The following GFOD1 variants were observed in gnomAD, a reference collection of about 807,000 sequenced individuals.
The protein encoded by GFOD1 is Gfo/Idh/MocA-like oxidoreductase domain containing 1, also known as glucose-fructose oxidoreductase domain-containing protein 1.
In GFOD1, 9 loss-of-function variants were observed where a neutral mutation model predicts 25.4. That is an observed-to-expected ratio of 0.35 (90% CI 0.21 to 0.62). GFOD1 has a LOEUF of 0.62. GFOD1 is among the 20% of genes least tolerant of loss of function. GFOD1 has a pLI of 0.72. For missense variants in GFOD1, 403 were observed against 556.9 expected, an observed-to-expected ratio of 0.72 and a Z score of 2.78; for synonymous variants, 253 against 245.6, an observed-to-expected ratio of 1.03 and a Z score of -0.28.
At chr6:13,401,625 C>T (rs1785846164) in intron 1 of GFOD1, among the ~76,000 whole-genome samples, 1 of 151,870 alleles carries the variant, frequency 6.6e-6, no homozygotes, top group Non-Finnish European at 1.5e-5. Flanking sequence ...TTAAGAAGTA[C>T]AAAATATGTA....
At chr6:13,421,500 A>G (rs1786256160) in intron 1 of GFOD1, among the ~76,000 whole-genome samples, 1 of 152,168 alleles carries the variant, frequency 6.6e-6, no homozygotes, top group African/African-American at 2.4e-5. Flanking sequence ...TCTCAAAAAA[A>G]AAGTAAGAAA....
intron 1 of GFOD1, among the ~76,000 whole-genome samples, chr6:13,471,261 C>T (rs1290197620): frequency 6.6e-6 from 1 of 152,200 alleles, no homozygotes; most frequent in Non-Finnish European, 1.5e-5. Flanking sequence ...TCCTTCCCCT[C>T]ACCACCTTCC....
chr6:13,384,517 G>A (rs1025155031), intron 1 of GFOD1, among the ~76,000 whole-genome samples: 2 of 152,136 alleles, frequency 1.3e-5, no homozygotes, highest in Non-Finnish European at 2.9e-5. Context: ...TGAAACGTAG[G>A]AGCCTTCTCA....
chr6:13,470,567 C>T (rs1038708846), intron 1 of GFOD1: 95 of 1,520,806 alleles, frequency 6.2e-5, no homozygotes, highest in Non-Finnish European at 7.7e-5. Flanking sequence ...AACAGAACCA[C>T]GTGGCATTTT....
chr6:13,413,220 C>T (rs1394037560), intron 1 of GFOD1, among the ~76,000 whole-genome samples: 2 of 152,212 alleles, frequency 1.3e-5, no homozygotes, highest in African/African-American at 4.8e-5. Context: ...CCCTTCCACA[C>T]TCTCCTGGGA....
In GFOD1 at chr6:13,485,616, C is replaced by T. The variant is rs896207696; in HGVS notation, c.253+1022G>A. ...GATGATGAACAAAACATGCCCTTCT[C>T]TTTCCCCTGAGCATAGGCTGAGAGG... On this transcript the variant is annotated intron_variant, in intron 1 of 1. Transcript: ENST00000379287. 3.3e-5 allele frequency among the ~76,000 whole-genome samples: 5 copies of T among 152,212 alleles called. No individual in the cohort carries two copies. The East Asian group carries it at 9.6e-4, about 29-fold the overall frequency.
At chr6:13,485,209 A>G (rs921503809) in intron 1 of GFOD1, among the ~76,000 whole-genome samples, 1 of 152,250 alleles carries the variant, frequency 6.6e-6, no homozygotes, top group Non-Finnish European at 1.5e-5. Context: ...ATCTGAGTCA[A>G]TAGCCAAATG....
chr6:13,392,132 T>C lies in GFOD1; in HGVS notation c.254-26470A>G, dbSNP rs969285666. 2.6e-5 allele frequency among the ~76,000 whole-genome samples: 4 copies of C among 151,888 alleles called. No homozygotes were observed. The South Asian group carries it at 8.3e-4, about 32-fold the overall frequency. The stretch of plus-strand genomic sequence containing the variant: ...GTAATCCCAGCTCAGGAGGCTGAGG[T>C]GGACAGATCCCTTGGCCCAGCAGTT... On this transcript the variant is annotated intron_variant, in intron 1 of 1. Transcript: ENST00000379287.
intron 1 of GFOD1, among the ~76,000 whole-genome samples, chr6:13,391,508 A>C (rs1442730597): frequency 6.6e-5 from 7 of 105,916 alleles, no homozygotes; most frequent in Non-Finnish European, 1.4e-4. Flanking sequence ...AAAAACAAAC[A>C]AACAAAAAAA....
intron 1 of GFOD1, among the ~76,000 whole-genome samples, chr6:13,409,845 C>T (rs943655862): frequency 2.0e-5 from 3 of 151,654 alleles, no homozygotes; most frequent in Non-Finnish European, 4.4e-5. Context: ...ATGGTGTAAA[C>T]CCGGGAGGCA....
intron 1 of GFOD1, among the ~76,000 whole-genome samples, chr6:13,435,560 C>A (rs1016556662): frequency 6.6e-6 from 1 of 152,130 alleles, no homozygotes; most frequent in African/African-American, 2.4e-5. Context: ...CCAGTAAGAC[C>A]CGCAGTACAT....
At position 13,365,836 on chromosome 6, in the gene GFOD1, G is replaced by A. The variant is rs917825746; in HGVS notation, c.254-174C>T. On this transcript the variant is annotated intron_variant, in intron 1 of 1. Transcript: ENST00000379287. The surrounding 1 kb of genome is among the most constrained non-coding windows in gnomAD (Gnocchi z 9.2). ...AAGGCCGGAGGAGGCCTTGAGCCCA[G>A]GAGTTGGAGGCCAGCCTGGGTAACA... 1.5e-4 allele frequency among the ~76,000 whole-genome samples: 23 copies of A among 151,060 alleles called. No individual in the cohort carries two copies. Among genetic ancestry groups the A allele is most frequent in the Middle Eastern group, 7.0e-3 (2 of 286 alleles).
At chr6:13,480,959 T>C (rs538326399) in intron 1 of GFOD1, among the ~76,000 whole-genome samples, 1 of 152,350 alleles carries the variant, frequency 6.6e-6, no homozygotes, top group Admixed American at 6.5e-5. Flanking sequence ...AATGCATTCA[T>C]TTGTCATTCA....
At chr6:13,380,412 A>G (rs563868707) in intron 1 of GFOD1, among the ~76,000 whole-genome samples, 1 of 152,370 alleles carries the variant, frequency 6.6e-6, no homozygotes, top group Non-Finnish European at 1.5e-5. Context: ...GCTCTCTTCC[A>G]GGGATCCCTG....
chr6:13,399,482 C>T (rs951472552), intron 1 of GFOD1, among the ~76,000 whole-genome samples: 1 of 152,124 alleles, frequency 6.6e-6, no homozygotes, highest in Non-Finnish European at 1.5e-5. Flanking sequence ...GACTCAACAT[C>T]CAACAGCAGC....
intron 1 of GFOD1, among the ~76,000 whole-genome samples, chr6:13,416,338 A>C (rs1786162227): frequency 6.6e-6 from 1 of 152,366 alleles, no homozygotes; most frequent in South Asian, 2.1e-4. Context: ...CAGCCAGAAA[A>C]CAATTAAAGA....
chr6:13,459,582 G>A (rs1758256205), intron 1 of GFOD1, among the ~76,000 whole-genome samples: 1 of 151,978 alleles, frequency 6.6e-6, no homozygotes, highest in Non-Finnish European at 1.5e-5. Flanking sequence ...CCTACAGAAT[G>A]GGAAAAAATT....
rs964640640 is a variant in GFOD1 at position 13,358,419 on chromosome 6, C to G, written c.*6324G>C. 2.0e-5 allele frequency: 3 copies of G among 151,978 alleles called. No homozygotes were observed. Among genetic ancestry groups the G allele is most frequent in the Non-Finnish European group, 4.4e-5 (3 of 68,008 alleles). The allele number at this position is 151,978 out of a possible 1,614,324, so 9.4% of individuals were successfully genotyped here. Reference sequence around the variant, plus strand: ...CCATTTTGGTTAAAAAACACAACAACAACAATAAAAAGCAGATGAAGTACT... The same window carrying G: ...CCATTTTGGTTAAAAAACACAACAAGAACAATAAAAAGCAGATGAAGTACT... On this transcript the variant is annotated 3_prime_UTR_variant, in exon 2 of 2. Coordinates refer to ENST00000379287, the MANE Select transcript of GFOD1 (RefSeq NM_018988.4).
intron 1 of GFOD1, among the ~76,000 whole-genome samples, chr6:13,408,438 A>T (rs2127565171): frequency 6.6e-6 from 1 of 152,300 alleles, no homozygotes; most frequent in Non-Finnish European, 1.5e-5. Context: ...TAGCTTTTCT[A>T]CTGATGGCTG....
Sources: gnomAD v4.1 joint callset for allele counts (sites outside exome capture counted in the v4.1 genomes callset) on GRCh38, gnomAD v4.1.1 for gene constraint, Gnocchi (gnomAD v3.1) non-coding constraint, MANE v1.5 for transcripts, NCBI Gene and HGNC (gene_info 2026-07-23, HGNC 2026-07-21) for gene names.